C5orf34: variants seen among roughly 807,000 people sequenced by gnomAD.
C5orf34 encodes chromosome 5 open reading frame 34, also known as uncharacterized protein C5orf34.
Under a neutral mutation model 78.4 loss-of-function variants are expected in C5orf34, and 73 were observed. The observed-to-expected ratio is 0.93, with a 90% CI of 0.77 to 1.13. The LOEUF is 1.13. Ranked by LOEUF, C5orf34 falls within the 50% of genes most tolerant of loss-of-function variation. The pLI is 0.00. For missense variants in C5orf34, 730 were observed against 732.7 expected, an observed-to-expected ratio of 1.00 and a Z score of 0.04; for synonymous variants, 251 against 246.6, an observed-to-expected ratio of 1.02 and a Z score of -0.17.
At position 43,509,389 on chromosome 5, in the gene C5orf34, G is replaced by T; in HGVS notation, c.-36-14C>A. ...CTAAGTCAAAGACTGAATGAAATAGGAAAAACAACAGCATAAATAGTTCTC... is the reference window on the plus strand; with the variant it reads ...CTAAGTCAAAGACTGAATGAAATAGTAAAAACAACAGCATAAATAGTTCTC... On this transcript the variant is annotated splice_polypyrimidine_tract_variant and intron_variant, in intron 1 of 12. Coordinates refer to ENST00000306862, the MANE Select transcript of C5orf34 (RefSeq NM_198566.4). 7.0e-7 allele frequency: 1 copy of T among 1,423,700 alleles called. No individual in the cohort carries two copies. The highest frequency in any genetic ancestry group is 1.4e-5 in the South Asian group (1 of 72,900). 88.2% of individuals were successfully genotyped at this position (1,423,700 alleles called of 1,614,324 possible).
chr5:43,498,450 T>C (rs901154393), intron 6 of C5orf34, among the ~76,000 whole-genome samples: 15 of 152,316 alleles, frequency 9.8e-5, no homozygotes, highest in African/African-American at 2.9e-4. Context: ...CTCAAATCCT[T>C]AATTGACATC....
intron 7 of C5orf34, among the ~76,000 whole-genome samples, chr5:43,493,959 C>T (rs997791795): frequency 6.6e-6 from 1 of 152,112 alleles, no homozygotes; most frequent in African/African-American, 2.4e-5. Flanking sequence ...TCAACTATCC[C>T]TAGGAAATCA....
intron 1 of C5orf34, among the ~76,000 whole-genome samples, chr5:43,510,324 T>C (rs1746167399): frequency 6.6e-6 from 1 of 152,222 alleles, no homozygotes; most frequent in Admixed American, 6.5e-5. Context: ...TTTGTCCTTA[T>C]TTCTCTGCAT....
At chr5:43,508,079 GAA>G (rs58637292) in intron 3 of C5orf34, among the ~76,000 whole-genome samples, 63 of 107,718 alleles carry the variant, frequency 5.8e-4, no homozygotes, top group East Asian at 9.9e-4. Context: ...CTCCGTCTCA[GAA>G]AAAAAAAAAA....
chr5:43,513,881 T>C (rs1361405881), intron 1 of C5orf34, among the ~76,000 whole-genome samples: 2 of 152,224 alleles, frequency 1.3e-5, no homozygotes, highest in Non-Finnish European at 2.9e-5. Flanking sequence ...TCAAAATTGA[T>C]TATTTACTTG....
rs754462830 is a variant in C5orf34 at position 43,494,534 on chromosome 5, C to G, written c.1220G>C (p.Gly407Ala). 80 of 1,606,126 alleles carry G rather than the reference C, an allele frequency of 5.0e-5. 1 individual carries two copies. The South Asian group carries it at 8.8e-4, about 18-fold the overall frequency. The stretch of plus-strand genomic sequence containing the variant: ...CCTTGTTGCCTGTTTAATTAGAGAA[C>G]CGACAGTGAATGGACTTCCCGGTCT... ...PDRPGSPFTV[G>A]SLIKQATRIL... is the part of the protein sequence containing the mutation. Residue 407 changes from glycine to alanine, a missense_variant, in exon 7 of 13, where the codon GGT becomes GCT. Gly to Ala is a moderately conservative substitution (Grantham distance 60). Transcript: ENST00000306862.
At chr5:43,488,898 T>G (rs34211578) in intron 11 of C5orf34, among the ~76,000 whole-genome samples, 1 of 152,114 alleles carries the variant, frequency 6.6e-6, no homozygotes, top group South Asian at 2.1e-4. Context: ...CAGTTCGTAG[T>G]AGGTTGTGTG....
At chr5:43,489,499 A>C (rs1745187497) in intron 11 of C5orf34, among the ~76,000 whole-genome samples, 1 of 152,138 alleles carries the variant, frequency 6.6e-6, no homozygotes, top group South Asian at 2.1e-4. Context: ...CAGCTTTCAA[A>C]TAAAAAGGCT....
chr5:43,495,297 C>T, intron 6 of C5orf34: 1 of 1,610,264 alleles, frequency 6.2e-7, no homozygotes, highest in Non-Finnish European at 8.5e-7. Flanking sequence ...GGGCCATCTT[C>T]CAGCTTTTTA....
chr5:43,494,073 G>A (rs1745399028), intron 7 of C5orf34, among the ~76,000 whole-genome samples: 2 of 152,120 alleles, frequency 1.3e-5, no homozygotes, highest in Non-Finnish European at 2.9e-5. Flanking sequence ...ATCATAGATT[G>A]AGAGAATTTT....
At chr5:43,505,349 G>A (rs937660305) in intron 4 of C5orf34, among the ~76,000 whole-genome samples, 1 of 152,210 alleles carries the variant, frequency 6.6e-6, no homozygotes, top group African/African-American at 2.4e-5. Flanking sequence ...GCAAGGTCAC[G>A]GGCTCCAGTG....
intron 8 of C5orf34, 105 bp downstream of exon 8, chr5:43,493,438 G>C: frequency 1.5e-6 from 1 of 686,906 alleles, no homozygotes; most frequent in Non-Finnish European, 2.5e-6. Context: ...AATGTTACAA[G>C]AATTTCTCAC....
Position 43,487,893 on chromosome 5 carries a change from T to A in C5orf34, c.1720+16A>T. On this transcript the variant is annotated intron_variant, in intron 12 of 12. Coordinates refer to ENST00000306862, the MANE Select transcript of C5orf34 (RefSeq NM_198566.4). Reference sequence around the variant, plus strand: ...AGAGTAATTATGTAGGACAGTGCATTCTGTTTAAAGGATACAGTTAAACTT... The same window carrying A: ...AGAGTAATTATGTAGGACAGTGCATACTGTTTAAAGGATACAGTTAAACTT... 1 of 1,587,988 alleles carries A rather than the reference T, an allele frequency of 6.3e-7. No individual in the cohort carries two copies. Among genetic ancestry groups the A allele is most frequent in the Non-Finnish European group, 8.6e-7 (1 of 1,159,436 alleles).
intron 11 of C5orf34, 173 bp from the exon 12 acceptor site, chr5:43,488,122 A>G (rs989606739): frequency 6.8e-6 from 4 of 592,496 alleles, no homozygotes; most frequent in African/African-American, 3.7e-5. Flanking sequence ...CTCAACTGAT[A>G]CTTACTGAGT....
intron 6 of C5orf34, among the ~76,000 whole-genome samples, chr5:43,499,670 G>A (rs1323598585): frequency 1.3e-5 from 2 of 152,050 alleles, no homozygotes; most frequent in East Asian, 1.9e-4. Flanking sequence ...GTACTATATA[G>A]GTATGGGTTT....
chr5:43,507,786 A>C (rs1434582247), intron 3 of C5orf34, among the ~76,000 whole-genome samples: 6 of 152,182 alleles, frequency 3.9e-5, no homozygotes, highest in Admixed American at 3.9e-4. Context: ...TGCCTATAAA[A>C]AGAGGCTGCC....
intron 4 of C5orf34, among the ~76,000 whole-genome samples, chr5:43,505,299 G>A (rs1745932558): frequency 6.6e-6 from 1 of 152,124 alleles, no homozygotes; most frequent in Non-Finnish European, 1.5e-5. Context: ...CTGAAGCTAG[G>A]TATGGACAAA....
intron 1 of C5orf34, among the ~76,000 whole-genome samples, chr5:43,514,427 A>G (rs779065601): frequency 6.6e-6 from 1 of 152,214 alleles, no homozygotes; most frequent in Non-Finnish European, 1.5e-5. Flanking sequence ...GCTGATACAT[A>G]GATGGAAGAC....
chr5:43,497,914 T>C (rs1313469390), intron 6 of C5orf34, among the ~76,000 whole-genome samples: 1 of 152,188 alleles, frequency 6.6e-6, no homozygotes, highest in Non-Finnish European at 1.5e-5. Flanking sequence ...ATTTATCACG[T>C]TGTTCCCTCT....
Sources: gnomAD v4.1 joint callset for allele counts (sites outside exome capture counted in the v4.1 genomes callset) on GRCh38, gnomAD v4.1.1 for gene constraint, MANE v1.5 for transcripts, NCBI Gene and HGNC (gene_info 2026-07-23, HGNC 2026-07-21) for gene names.